Variants in POU6F2 observed in about 807,000 individuals in gnomAD.
POU6F2 encodes the protein POU domain, class 6, transcription factor 2.
A neutral mutation model predicts 71.3 loss-of-function variants in POU6F2; 31 were observed. The ratio of observed to expected loss-of-function variants is 0.43; its 90% CI spans 0.33 to 0.59. POU6F2 has a LOEUF of 0.59. Among genes scored for constraint, POU6F2 ranks in the 20% least tolerant of loss-of-function variants. The pLI, the probability that POU6F2 is intolerant of heterozygous loss-of-function variation, is 0.04. For missense variants in POU6F2, 783 were observed against 856.8 expected, an observed-to-expected ratio of 0.91 and a Z score of 1.07; for synonymous variants, 347 against 355.7, an observed-to-expected ratio of 0.98 and a Z score of 0.27.
At chr7:39,372,927 C>A (rs1786642489) in intron 5 of POU6F2, among the ~76,000 whole-genome samples, 2 of 151,846 alleles carry the variant, frequency 1.3e-5, no homozygotes, top group Non-Finnish European at 2.9e-5. Context: ...AATAATGCCC[C>A]CTAAAAATAA....
At chr7:39,134,028 C>T (rs1584560422) in intron 2 of POU6F2, among the ~76,000 whole-genome samples, 1 of 152,046 alleles carries the variant, frequency 6.6e-6, no homozygotes, top group South Asian at 2.1e-4. Context: ...GCGTGTACCA[C>T]CATGACCGGC....
chr7:39,468,249 A>G lies in POU6F2; in HGVS notation c.*3563A>G, dbSNP rs1262628953. On this transcript the variant is annotated 3_prime_UTR_variant, in exon 10 of 10. Coordinates refer to ENST00000518318, the MANE Select transcript of POU6F2 (RefSeq NM_001370959.1). ...TCTAGACTGGTCACCGGGGTCACTTATGAGGCACCACAAAGAGATCTGCTT... is the reference window on the plus strand; with the variant it reads ...TCTAGACTGGTCACCGGGGTCACTTGTGAGGCACCACAAAGAGATCTGCTT... 6.8e-6 allele frequency: 1 copy of G among 146,444 alleles called. No homozygotes were observed. Among genetic ancestry groups the G allele is most frequent in the Non-Finnish European group, 1.5e-5 (1 of 66,962 alleles). The allele number at this position is 146,444 out of a possible 1,614,324, so 9.1% of individuals were successfully genotyped here. A position where few individuals can be genotyped will look rare whatever the true frequency, so the allele number is the denominator to read the frequency against.
chr7:39,062,849 TTTTG>T (rs34183417), intron 1 of POU6F2, among the ~76,000 whole-genome samples: 2,631 of 148,434 alleles, frequency 0.018, 67 homozygotes, highest in African/African-American at 0.06. Flanking sequence ...CCCAGGAGTT[TTTTG>T]TTTGTTTGTT....
At chr7:39,262,103 C>T (rs1266471381) in intron 4 of POU6F2, among the ~76,000 whole-genome samples, 1 of 152,160 alleles carries the variant, frequency 6.6e-6, no homozygotes, top group Non-Finnish European at 1.5e-5. Context: ...TGTAAAGGTT[C>T]AAAATCTTTC....
chr7:39,433,168 C>A lies in POU6F2; in HGVS notation c.1205C>A (p.Pro402His), dbSNP rs780369016. Residue 402 changes from proline to histidine, a missense_variant, in exon 7 of 10, where the codon CCC (proline) becomes CAC (histidine). By Grantham distance (77) the Pro-to-His change is moderately conservative. Transcript: ENST00000518318. ...TQGLQVQPITPQLLTNAQGQI... is the reference protein window; with the variant it reads ...TQGLQVQPITHQLLTNAQGQI... ...GGCTTGCAAGTGCAGCCAATCACCC[C>A]CCAGCTCCTCACAAACGCCCAGGGC... is the stretch of plus-strand genomic sequence containing the variant. The A allele has an allele frequency of 6.2e-7, 1 of 1,613,858 alleles. No homozygotes were observed. The highest frequency in any genetic ancestry group is 1.1e-5 in the South Asian group (1 of 91,068).
intron 1 of POU6F2, among the ~76,000 whole-genome samples, chr7:39,071,025 A>G (rs1376740399): frequency 1.3e-5 from 2 of 152,170 alleles, no homozygotes; most frequent in African/African-American, 2.4e-5. Context: ...GACTGAGGAC[A>G]GTTTCAGGAT....
intron 1 of POU6F2, among the ~76,000 whole-genome samples, chr7:38,982,691 G>A (rs866603527): frequency 1.3e-5 from 2 of 151,970 alleles, no homozygotes; most frequent in Admixed American, 6.6e-5. Context: ...ACAACAATTA[G>A]ATGAACTTGG....
In POU6F2 at chr7:39,075,825, C is replaced by T. The variant is rs112342008; in HGVS notation, c.106-10035C>T. 5.3e-5 allele frequency among the ~76,000 whole-genome samples: 8 copies of T among 152,344 alleles called. 1 individual carries two copies. The highest frequency in any genetic ancestry group is 1.9e-4 in the African/African-American group (8 of 41,592). On this transcript the variant is annotated intron_variant, in intron 1 of 9. Coordinates refer to ENST00000518318, the MANE Select transcript of POU6F2 (RefSeq NM_001370959.1). ...TTCCCCTGGGGCTCTACTGCCTTTG[C>T]TTTGTTGGACTAATCCCCGGACTAG...
intron 6 of POU6F2, among the ~76,000 whole-genome samples, chr7:39,407,394 G>A (rs1787457615): frequency 1.3e-5 from 2 of 150,456 alleles, no homozygotes; most frequent in East Asian, 1.9e-4. Context: ...ATGAGAGAGG[G>A]TCTGTCCCCT....
chr7:39,105,775 C>T (rs778999307), intron 2 of POU6F2, among the ~76,000 whole-genome samples: 11 of 152,170 alleles, frequency 7.2e-5, no homozygotes, highest in Non-Finnish European at 1.3e-4. Flanking sequence ...AAGTCATGAA[C>T]TTAGTACTGA....
At chr7:39,018,632 A>G (rs985677373) in intron 1 of POU6F2, among the ~76,000 whole-genome samples, 2 of 152,180 alleles carry the variant, frequency 1.3e-5, no homozygotes, top group African/African-American at 4.8e-5. Flanking sequence ...GTGAGCCTGT[A>G]TAATTAAATT....
chr7:39,400,775 T>C (rs920681565), intron 5 of POU6F2, among the ~76,000 whole-genome samples: 14 of 152,170 alleles, frequency 9.2e-5, no homozygotes, highest in African/African-American at 3.4e-4. Context: ...ATTTTACCAT[T>C]AAGTGAAAAT....
At chr7:39,422,511 A>G (rs1787874113) in intron 6 of POU6F2, among the ~76,000 whole-genome samples, 1 of 152,236 alleles carries the variant, frequency 6.6e-6, no homozygotes, top group Admixed American at 6.5e-5. Context: ...AGATAGGAAA[A>G]TTAAAATATA....
intron 6 of POU6F2, among the ~76,000 whole-genome samples, chr7:39,418,970 T>TATATGTAG (rs1787757041): frequency 8.3e-6 from 1 of 120,900 alleles, no homozygotes; most frequent in Non-Finnish European, 1.7e-5. Context: ...TATATGTGTA[T>TATATGTAG]ATATGTATAT....
chr7:39,112,301 A>G (rs1396634081), intron 2 of POU6F2, among the ~76,000 whole-genome samples: 1 of 152,228 alleles, frequency 6.6e-6, no homozygotes, highest in Non-Finnish European at 1.5e-5. Context: ...ATTCAGGTAA[A>G]ATCTCATTGG....
intron 4 of POU6F2, among the ~76,000 whole-genome samples, chr7:39,318,462 T>C (rs1219227729): frequency 6.6e-6 from 1 of 152,128 alleles, no homozygotes; most frequent in Non-Finnish European, 1.5e-5. Flanking sequence ...GAACACTGAA[T>C]GAACATTTCC....
intron 7 of POU6F2, among the ~76,000 whole-genome samples, chr7:39,434,371 A>G (rs551589151): frequency 3.9e-5 from 6 of 152,256 alleles, no homozygotes; most frequent in Non-Finnish European, 7.3e-5. Flanking sequence ...AACACACTAC[A>G]TATCATCTTT....
intron 4 of POU6F2, among the ~76,000 whole-genome samples, chr7:39,286,026 C>T (rs979706742): frequency 1.3e-5 from 2 of 152,196 alleles, no homozygotes; most frequent in African/African-American, 4.8e-5. Context: ...AGTCCATGAG[C>T]TTCTCTTCCC....
Position 39,347,776 on chromosome 7 carries a change from C to T in POU6F2, c.972+7761C>T, listed in dbSNP as rs533793205. Among the ~76,000 whole-genome samples, 2 of 118,454 alleles carry T rather than the reference C, an allele frequency of 1.7e-5. 1 individual carries two copies. The highest frequency in any genetic ancestry group is 5.2e-4 in the South Asian group (2 of 3,872). 77.7% of individuals were successfully genotyped at this position (118,454 alleles called of 152,430 possible). A position where few individuals can be genotyped will look rare whatever the true frequency, so the allele number is the denominator to read the frequency against. On this transcript the variant is annotated intron_variant, in intron 5 of 9. Coordinates refer to ENST00000518318, the MANE Select transcript of POU6F2 (RefSeq NM_001370959.1). ...CCTCCCGAGCGTCTGGGACTACAGG[C>T]ATGTACCATCACGCCTGGCTAATTT...
Sources: gnomAD v4.1 joint callset for allele counts (sites outside exome capture counted in the v4.1 genomes callset) on GRCh38, gnomAD v4.1.1 for gene constraint, MANE v1.5 for transcripts, NCBI Gene and HGNC (gene_info 2026-07-23, HGNC 2026-07-21) for gene names.